The following DCLK2 variants were observed in gnomAD, a reference collection of about 807,000 sequenced individuals.
DCLK2 encodes the protein doublecortin like kinase 2.
In DCLK2, 31 loss-of-function variants were observed where a neutral mutation model predicts 78.4. The ratio of observed to expected loss-of-function variants is 0.40; its 90% CI spans 0.30 to 0.53. DCLK2 has a LOEUF of 0.53. Among genes scored for constraint, DCLK2 ranks in the 20% least tolerant of loss-of-function variants. DCLK2 has a pLI of 0.61. For missense variants in DCLK2, 872 were observed against 973.7 expected (o/e 0.90, Z 1.39); for synonymous variants, 407 against 374.9 (o/e 1.09, Z -0.99).
Position 150,257,345 on chromosome 4 carries a change from T to G in DCLK2, c.*1098T>G, listed in dbSNP as rs1035316686. ...GTATTTGTTTTACCTGCTCATCTTCTAAACTGGCGAGCCCTATAGTTCGTT... is the reference window on the plus strand; with the variant it reads ...GTATTTGTTTTACCTGCTCATCTTCGAAACTGGCGAGCCCTATAGTTCGTT... On this transcript the variant is annotated 3_prime_UTR_variant, in exon 16 of 16. Transcript: ENST00000296550. 1 of 152,686 alleles carries G rather than the reference T, an allele frequency of 6.5e-6. No homozygotes were observed. The highest frequency in any genetic ancestry group is 1.5e-5 in the Non-Finnish European group (1 of 68,060). The allele number at this position is 152,686 out of a possible 1,614,324, so 9.5% of individuals were successfully genotyped here.
At chr4:150,230,313 T>C (rs1397464022) in intron 8 of DCLK2, among the ~76,000 whole-genome samples, 1 of 152,178 alleles carries the variant, frequency 6.6e-6, no homozygotes, top group Non-Finnish European at 1.5e-5. Flanking sequence ...GTAGTCTCCT[T>C]ATGTGGTAGA....
At chr4:150,225,035 C>A (rs945804708) in intron 8 of DCLK2, among the ~76,000 whole-genome samples, 1 of 152,176 alleles carries the variant, frequency 6.6e-6, no homozygotes, top group African/African-American at 2.4e-5. Flanking sequence ...GGCTGAGGAG[C>A]CCAGCTGGAT....
At chr4:150,191,308 C>G (rs1341838848) in intron 2 of DCLK2, among the ~76,000 whole-genome samples, 1 of 151,846 alleles carries the variant, frequency 6.6e-6, no homozygotes, top group Admixed American at 6.6e-5. Context: ...GGTACGTGAT[C>G]ACCCAGTCAT....
intron 15 of DCLK2, among the ~76,000 whole-genome samples, chr4:150,250,643 A>G (rs1743712232): frequency 6.6e-6 from 1 of 151,716 alleles, no homozygotes; most frequent in South Asian, 2.1e-4. Context: ...GACCCCACTG[A>G]GTCCTGACAG....
At chr4:150,112,818 G>GC (rs200739332) in intron 2 of DCLK2, among the ~76,000 whole-genome samples, 1 of 91,880 alleles carries the variant, frequency 1.1e-5, no homozygotes, top group Non-Finnish European at 2.0e-5. Flanking sequence ...TTCTTTCCCC[G>GC]CCCCCCGCCC....
At chr4:150,252,589 C>G (rs759254803) in intron 15 of DCLK2, among the ~76,000 whole-genome samples, 1 of 152,196 alleles carries the variant, frequency 6.6e-6, no homozygotes, top group Non-Finnish European at 1.5e-5. Context: ...GATAATGACG[C>G]TTAGACCCCC....
Position 150,078,973 on chromosome 4 carries a change from C to A in DCLK2, c.-55C>A. The A allele has an allele frequency of 6.7e-7, 1 of 1,481,960 alleles. No individual in the cohort carries two copies. The highest frequency in any genetic ancestry group is 2.4e-5 in the East Asian group (1 of 41,026). 91.8% of individuals were successfully genotyped at this position (1,481,960 alleles called of 1,614,324 possible). ...AGTCAGACGTCCCTGCACCGGCGCT[C>A]GCACCCTTAGTCGGCCCGGAACGTC... On this transcript the variant is annotated 5_prime_UTR_variant, in exon 1 of 16. Coordinates refer to ENST00000296550, the MANE Select transcript of DCLK2 (RefSeq NM_001040260.4).
intron 1 of DCLK2, among the ~76,000 whole-genome samples, chr4:150,091,133 T>G (rs1168921924): frequency 1.3e-5 from 2 of 152,210 alleles, no homozygotes; most frequent in Non-Finnish European, 2.9e-5. Context: ...GTATTTTTTC[T>G]TAGCTAGCTG....
chr4:150,197,270 T>C, intron 3 of DCLK2, among the ~76,000 whole-genome samples: 1 of 152,246 alleles, frequency 6.6e-6, no homozygotes, highest in East Asian at 1.9e-4. Flanking sequence ...TCCCATACCC[T>C]TTTAAAATAA....
At chr4:150,120,785 C>T (rs1732473461) in intron 2 of DCLK2, among the ~76,000 whole-genome samples, 1 of 152,062 alleles carries the variant, frequency 6.6e-6, no homozygotes, top group Non-Finnish European at 1.5e-5. Flanking sequence ...AGGTTTACTG[C>T]AGGCTGGGCA....
chr4:150,087,935 A>G (rs1232053572), intron 1 of DCLK2, among the ~76,000 whole-genome samples: 1 of 152,180 alleles, frequency 6.6e-6, no homozygotes, highest in Non-Finnish European at 1.5e-5. Context: ...GAGGGATTCT[A>G]GTTTTTATGG....
chr4:150,179,727 A>G (rs994423235), intron 2 of DCLK2, among the ~76,000 whole-genome samples: 1 of 152,238 alleles, frequency 6.6e-6, no homozygotes, highest in Non-Finnish European at 1.5e-5. Flanking sequence ...GTCAGCAAAT[A>G]GAGTCCCATT....
chr4:150,118,664 C>T (rs1408825519), intron 2 of DCLK2, among the ~76,000 whole-genome samples: 1 of 152,130 alleles, frequency 6.6e-6, no homozygotes, highest in Non-Finnish European at 1.5e-5. Flanking sequence ...ATCTGCCTTT[C>T]TTTCCTGATC....
chr4:150,126,229 A>G (rs1386946499), intron 2 of DCLK2, among the ~76,000 whole-genome samples: 2 of 152,218 alleles, frequency 1.3e-5, no homozygotes, highest in Non-Finnish European at 2.9e-5. Flanking sequence ...ATGAATAATT[A>G]ATTCATTCAG....
intron 2 of DCLK2, among the ~76,000 whole-genome samples, chr4:150,118,709 A>G (rs1321246813): frequency 6.6e-6 from 1 of 152,040 alleles, no homozygotes; most frequent in Non-Finnish European, 1.5e-5. Flanking sequence ...AATAATAACA[A>G]TTTTGTTGGC....
Position 150,190,672 on chromosome 4 carries a change from G to A in DCLK2, c.757-2466G>A, listed in dbSNP as rs188536427. Among the ~76,000 whole-genome samples the A allele has an allele frequency of 1.5e-3, 226 of 152,250 alleles. No individual in the cohort carries two copies. The Middle Eastern group carries it at 0.017, about 11-fold the overall frequency. On this transcript the variant is annotated intron_variant, in intron 2 of 15. Transcript: ENST00000296550. The stretch of plus-strand genomic sequence containing the variant: ...GTTTATGGGGAGTGACTGCTAATGG[G>A]CATGGTGTTTCTTCTGGGGATGATG...
chr4:150,099,081 A>G (rs1423585999), intron 1 of DCLK2, among the ~76,000 whole-genome samples: 1 of 152,168 alleles, frequency 6.6e-6, no homozygotes, highest in Admixed American at 6.5e-5. Flanking sequence ...CCTTGTGAGA[A>G]TGGAAGAAAT....
intron 2 of DCLK2, among the ~76,000 whole-genome samples, chr4:150,112,298 T>A (rs915654561): frequency 2.6e-5 from 4 of 152,224 alleles, no homozygotes; most frequent in African/African-American, 9.6e-5. Context: ...TGCCACTGAT[T>A]TGTGTGCTTT....
Position 150,079,468 on chromosome 4 carries a change from C to T in DCLK2, c.421+20C>T. 1 of 1,458,296 alleles carries T rather than the reference C, an allele frequency of 6.9e-7. No individual in the cohort carries two copies. The highest frequency in any genetic ancestry group is 9.1e-7 in the Non-Finnish European group (1 of 1,103,940). 90.3% of individuals were successfully genotyped at this position (1,458,296 alleles called of 1,614,324 possible). On this transcript the variant is annotated intron_variant, in intron 1 of 15. Transcript: ENST00000296550. ...TGGAAGGTAGGAGGGGAGGGCGCCG[C>T]ACGGCAGGTGCGGCGGAGCGCCGGC...
Sources: gnomAD v4.1 joint callset for allele counts (sites outside exome capture counted in the v4.1 genomes callset) on GRCh38, gnomAD v4.1.1 for gene constraint, MANE v1.5 for transcripts, NCBI Gene and HGNC (gene_info 2026-07-23, HGNC 2026-07-21) for gene names.